PRSS12: variants seen among roughly 807,000 people sequenced by gnomAD.
PRSS12 encodes the protein neurotrypsin.
Under a neutral mutation model 104.4 loss-of-function variants are expected in PRSS12, and 85 were observed. The observed-to-expected ratio is 0.81, with a 90% confidence interval of 0.68 to 0.98. The LOEUF (loss-of-function observed/expected upper bound fraction) is 0.98, where lower values mean the gene tolerates loss of function less well. Among genes scored for constraint, PRSS12 ranks in the 50% least tolerant of loss-of-function variants. The probability of loss-of-function intolerance (pLI) is 0.00; values close to 1 mark genes in which losing one functional copy is unlikely to be tolerated. For synonymous variants in PRSS12, 454 were observed against 425.2 expected (o/e 1.07, Z -0.83); for missense variants, 1,141 against 1,139.2 (o/e 1.00, Z -0.02).
intron 4 of PRSS12, among the ~76,000 whole-genome samples, chr4:118,328,430 A>C (rs777929249): frequency 1.2e-4 from 19 of 152,194 alleles, no homozygotes; most frequent in Admixed American, 1.3e-4. Flanking sequence ...TTAACCCATG[A>C]GTGTGTTCAA....
At chr4:118,285,733 C>T (rs1425102445) in intron 11 of PRSS12, among the ~76,000 whole-genome samples, 1 of 152,026 alleles carries the variant, frequency 6.6e-6, no homozygotes, top group African/African-American at 2.4e-5. Flanking sequence ...CTATTAGTTA[C>T]ATTTTGCAAT....
intron 6 of PRSS12, among the ~76,000 whole-genome samples, chr4:118,315,800 A>G (rs895243265): frequency 6.6e-6 from 1 of 152,236 alleles, no homozygotes; most frequent in Non-Finnish European, 1.5e-5. Context: ...GTAATACCAA[A>G]GCATTTGACA....
intron 7 of PRSS12, among the ~76,000 whole-genome samples, chr4:118,311,061 T>TTAAA (rs1218722099): frequency 6.6e-6 from 1 of 151,930 alleles, no homozygotes; most frequent in Non-Finnish European, 1.5e-5. Context: ...AATTAATTAA[T>TTAAA]TAATTAATTA....
chr4:118,341,204 G>A (rs1303032847), intron 1 of PRSS12, among the ~76,000 whole-genome samples: 3 of 152,178 alleles, frequency 2.0e-5, no homozygotes, highest in Non-Finnish European at 4.4e-5. Flanking sequence ...AGGAAAGTAG[G>A]AAAAGATCAA....
intron 11 of PRSS12, among the ~76,000 whole-genome samples, chr4:118,292,747 T>G (rs752516972): frequency 6.6e-5 from 10 of 152,126 alleles, no homozygotes; most frequent in Non-Finnish European, 7.4e-5. Flanking sequence ...TAGCCACTGT[T>G]ATGTAAAATA....
At chr4:118,331,913 T>A in intron 3 of PRSS12, 47 bp from the exon 4 acceptor site, 1 of 1,609,922 alleles carries the variant, frequency 6.2e-7, no homozygotes, top group Non-Finnish European at 8.5e-7. Flanking sequence ...GCATTTACAT[T>A]GATTGATAAG....
chr4:118,352,699 G>A lies in PRSS12; in HGVS notation c.22C>T (p.Leu8=). 1 of 1,613,160 alleles carries A rather than the reference G, an allele frequency of 6.2e-7. No individual in the cohort carries two copies. Among genetic ancestry groups the A allele is most frequent in the Non-Finnish European group, 8.5e-7 (1 of 1,179,452 alleles). MTLARFV[L]ALMLGALPEV... ...GGGAGCGCCCCTAACATCAGGGCTA[G>A]CACGAAGCGGGCGAGCGTCATGGTG... Residue 8 remains leucine, a synonymous_variant, in exon 1 of 13, where the codon CTA becomes TTA. Coordinates refer to ENST00000296498, the MANE Select transcript of PRSS12 (RefSeq NM_003619.4).
chr4:118,294,626 A>T (rs1453189888), intron 11 of PRSS12, among the ~76,000 whole-genome samples: 1 of 151,884 alleles, frequency 6.6e-6, no homozygotes, highest in East Asian at 1.9e-4. Flanking sequence ...GGTCTATTCT[A>T]CCTCCACAAA....
Position 118,280,916 on chromosome 4 carries a change from T to G in PRSS12, c.*1020A>C, listed in dbSNP as rs1032230016. ...ACTACCATAAGATTTACTGGCCTTT[T>G]GCAAATTGTCAGTGATGTGCAAAGC... On this transcript the variant is annotated 3_prime_UTR_variant, in exon 13 of 13. Transcript: ENST00000296498. 33 of 152,264 alleles carry G rather than the reference T, an allele frequency of 2.2e-4. No individual in the cohort carries two copies. Among genetic ancestry groups the G allele is most frequent in the African/African-American group, 7.7e-4 (32 of 41,454 alleles). 9.4% of individuals were successfully genotyped at this position (152,264 alleles called of 1,614,324 possible). A position where few individuals can be genotyped will look rare whatever the true frequency, so the allele number is the denominator to read the frequency against.
chr4:118,304,976 A>G (rs945929760), intron 8 of PRSS12, among the ~76,000 whole-genome samples: 3 of 151,848 alleles, frequency 2.0e-5, no homozygotes, highest in Non-Finnish European at 4.4e-5. Context: ...CTCAAATCTT[A>G]TAACAGCTTC....
intron 9 of PRSS12, among the ~76,000 whole-genome samples, chr4:118,297,865 T>C (rs1429779545): frequency 1.3e-5 from 2 of 152,078 alleles, no homozygotes; most frequent in Non-Finnish European, 2.9e-5. Context: ...AGGCCAGGTG[T>C]GGTGGCTCAC....
rs533213288 is a variant in PRSS12 at position 118,308,023 on chromosome 4, T to C, written c.1631+413A>G. On this transcript the variant is annotated intron_variant, in intron 8 of 12. Coordinates refer to ENST00000296498, the MANE Select transcript of PRSS12 (RefSeq NM_003619.4). ...GGAGCAATGGCTCAGCATTTGCTAATTCAGTGTCCACAGTGACTTTATAAC... is the reference window on the plus strand; with the variant it reads ...GGAGCAATGGCTCAGCATTTGCTAACTCAGTGTCCACAGTGACTTTATAAC... Among the ~76,000 whole-genome samples, 7 of 152,320 alleles carry C rather than the reference T, an allele frequency of 4.6e-5. No individual in the cohort carries two copies. In the South Asian group the frequency reaches 1.2e-3, roughly 27 times the overall value.
chr4:118,289,693 A>G (rs1052562176), intron 11 of PRSS12, among the ~76,000 whole-genome samples: 1 of 152,318 alleles, frequency 6.6e-6, no homozygotes, highest in African/African-American at 2.4e-5. Flanking sequence ...CCTTTTAATA[A>G]ACTTACATCA....
intron 4 of PRSS12, among the ~76,000 whole-genome samples, chr4:118,320,797 T>G (rs1042868643): frequency 5.3e-5 from 8 of 152,024 alleles, no homozygotes; most frequent in African/African-American, 1.9e-4. Context: ...AGCAAATGCT[T>G]AGGGAATGCT....
In PRSS12 at chr4:118,294,934, C is replaced by T. The variant is rs950469719; in HGVS notation, c.2039+5G>A. 3.7e-6 allele frequency: 6 copies of T among 1,614,016 alleles called. No individual in the cohort carries two copies. In the Middle Eastern group the frequency reaches 5.0e-4, roughly 133 times the overall value. On this transcript the variant is annotated splice_donor_5th_base_variant and intron_variant, in intron 11 of 12. Coordinates refer to ENST00000296498, the MANE Select transcript of PRSS12 (RefSeq NM_003619.4). ...ACTAGGTTGTTTGGGAAGGTGGACA[C>T]ATACCTCTTGAAACAGTGTGCTGCT...
intron 11 of PRSS12, among the ~76,000 whole-genome samples, chr4:118,294,057 C>T (rs1454012021): frequency 1.3e-5 from 2 of 152,002 alleles, no homozygotes; most frequent in Non-Finnish European, 2.9e-5. Context: ...ATGGATGGAT[C>T]GTAAGTACAT....
chr4:118,285,579 G>T (rs764885632), intron 11 of PRSS12, among the ~76,000 whole-genome samples: 7 of 151,944 alleles, frequency 4.6e-5, no homozygotes, highest in Middle Eastern at 3.2e-3. Context: ...GCTAACTGTG[G>T]TTACTGCAGC....
Position 118,298,928 on chromosome 4 carries a change from T to C in PRSS12, c.1642A>G (p.Arg548Gly), listed in dbSNP as rs1343447984. ...CRQLGYKGPA[R>G]ARTMAYFGEG... ...CCAAAGTAAGCCATGGTTCTTGCTC[T>C]GGCAGGACCCCTGAAGACAGAACAT... Residue 548 changes from arginine (R) to glycine (G), a missense_variant, in exon 9 of 13, where the codon AGA becomes GGA. Transcript: ENST00000296498. 6.2e-6 allele frequency: 10 copies of C among 1,614,224 alleles called. No individual in the cohort carries two copies. Among genetic ancestry groups the C allele is most frequent in the Non-Finnish European group, 8.5e-6 (10 of 1,180,030 alleles).
intron 11 of PRSS12, among the ~76,000 whole-genome samples, chr4:118,287,336 G>C (rs1007003963): frequency 1.3e-5 from 2 of 152,146 alleles, no homozygotes; most frequent in Non-Finnish European, 2.9e-5. Flanking sequence ...TTTTTGTAGA[G>C]ATAGGGTCTC....
Sources: allele counts gnomAD v4.1 joint callset (sites outside exome capture counted in the v4.1 genomes callset), GRCh38; gene constraint gnomAD v4.1.1; transcripts MANE v1.5; gene names NCBI Gene and HGNC (gene_info 2026-07-23, HGNC 2026-07-21).